UBR4: variants seen among roughly 807,000 people sequenced by gnomAD.
UBR4 encodes the protein ubiquitin protein ligase E3 component n-recognin 4.
A neutral mutation model predicts 575.6 loss-of-function variants in UBR4; 124 were observed. The ratio of observed to expected loss-of-function variants is 0.22; its 90% CI spans 0.19 to 0.25. The LOEUF is 0.25. Among genes scored for constraint, UBR4 ranks in the 10% least tolerant of loss-of-function variants. The pLI, the probability that UBR4 is intolerant of heterozygous loss-of-function variation, is 1.00. For synonymous variants in UBR4, 2,455 were observed against 2,473.7 expected (o/e 0.99, Z 0.22); for missense variants, 4,818 against 6,478.8 (o/e 0.74, Z 8.80).
At chr1:19,074,933 G>C in intron 105 of UBR4, 37 bp from the exon 106 acceptor site, 1 of 1,608,766 alleles carries the variant, frequency 6.2e-7, no homozygotes. Context: ...GTCAGGAGCA[G>C]GCATACAGCC....
chr1:19,190,840 T>G (rs891337482), intron 11 of UBR4, among the ~76,000 whole-genome samples: 5 of 152,228 alleles, frequency 3.3e-5, no homozygotes, highest in African/African-American at 1.2e-4. Context: ...TCCCTCCTTC[T>G]TATCTTATGC....
At chr1:19,077,589 C>G (rs1016508288) in intron 104 of UBR4, among the ~76,000 whole-genome samples, 1 of 152,118 alleles carries the variant, frequency 6.6e-6, no homozygotes, top group Admixed American at 6.5e-5. Context: ...CAAAATTAGC[C>G]GGGCGTGGTG....
Position 19,192,065 on chromosome 1 carries a change from C to T in UBR4, c.1394+123G>A, listed in dbSNP as rs1484172486. On this transcript the variant is annotated intron_variant, in intron 11 of 105. Transcript: ENST00000375254. ...CAGGTCATGATCATTATCTTAGTTGCTAAATTCAAGCCAGGTAGGAAGGCA... is the reference window on the plus strand; with the variant it reads ...CAGGTCATGATCATTATCTTAGTTGTTAAATTCAAGCCAGGTAGGAAGGCA... 6.8e-6 allele frequency: 7 copies of T among 1,023,404 alleles called. No individual in the cohort carries two copies. The African/African-American group carries it at 9.7e-5, about 14-fold the overall frequency. 63.4% of individuals were successfully genotyped at this position (1,023,404 alleles called of 1,614,324 possible).
rs371200114 is a variant in UBR4 at position 19,106,658 on chromosome 1, C to G, written c.12304G>C (p.Val4102Leu). Residue 4102 changes from valine (V) to leucine (L), a missense_variant, in exon 83 of 106, where the codon GTG becomes CTG. Coordinates refer to ENST00000375254, the MANE Select transcript of UBR4 (RefSeq NM_020765.3). Reference protein sequence around the residue: ...LRHLYLTEKYVWRWKQFLSRR... With the variant: ...LRHLYLTEKYLWRWKQFLSRR... ...CTCAGGAACTGTTTCCACCTCCACACATACTTCTCAGTCAAATAGAGATGG... is the reference window on the plus strand; with the variant it reads ...CTCAGGAACTGTTTCCACCTCCACAGATACTTCTCAGTCAAATAGAGATGG... 8.1e-5 allele frequency: 130 copies of G among 1,610,254 alleles called. No homozygotes were observed. The highest frequency in any genetic ancestry group is 1.0e-4 in the Non-Finnish European group (119 of 1,178,242).
At chr1:19,112,439 ATT>A in intron 78 of UBR4, 83 bp downstream of exon 78, 5 of 1,454,594 alleles carry the variant, frequency 3.4e-6, no homozygotes, top group Non-Finnish European at 4.7e-6. Context: ...CAGAAGCACT[ATT>A]CTGTGCACTC....
At chr1:19,196,380 G>A (rs2092457379) in intron 8 of UBR4, among the ~76,000 whole-genome samples, 3 of 152,246 alleles carry the variant, frequency 2.0e-5, no homozygotes, top group Middle Eastern at 3.4e-3. Flanking sequence ...TGTCCCCAAG[G>A]TCAGGTCTCC....
chr1:19,200,499 G>C (rs960082943), intron 2 of UBR4, among the ~76,000 whole-genome samples: 4 of 151,692 alleles, frequency 2.6e-5, no homozygotes, highest in African/African-American at 9.7e-5. Context: ...GAGGTGGGTG[G>C]ATCACTTCGG....
At chr1:19,168,538 T>A (rs952953495) in intron 27 of UBR4, among the ~76,000 whole-genome samples, 3 of 152,168 alleles carry the variant, frequency 2.0e-5, no homozygotes, top group Non-Finnish European at 2.9e-5. Context: ...AAGTTCTGGG[T>A]GGTGTAAACA....
chr1:19,119,808 G>A, intron 69 of UBR4, 107 bp from the exon 70 acceptor site: 2 of 1,407,614 alleles, frequency 1.4e-6, no homozygotes, highest in Non-Finnish European at 1.9e-6. Flanking sequence ...TATGGGTTAA[G>A]TTTGAACGGT....
Position 19,198,431 on chromosome 1 carries a change from CAT to C in UBR4, c.648+108_648+109del, listed in dbSNP as rs2092582214. The C allele has an allele frequency of 5.7e-6, 8 of 1,399,710 alleles. No homozygotes were observed. In the South Asian group the frequency reaches 1.1e-4, roughly 20 times the overall value. 86.7% of individuals were successfully genotyped at this position (1,399,710 alleles called of 1,614,324 possible). A position where few individuals can be genotyped will look rare whatever the true frequency, so the allele number is the denominator to read the frequency against. On this transcript the variant is annotated intron_variant, in intron 5 of 105. Coordinates refer to ENST00000375254, the MANE Select transcript of UBR4 (RefSeq NM_020765.3). ...TCCTCAATTTCTTTTGTCCCACAGA[CAT>C]GTATATCATTTTATATCACAAACAT...
At chr1:19,186,030 C>T (rs1364480895) in intron 14 of UBR4, among the ~76,000 whole-genome samples, 2 of 152,188 alleles carry the variant, frequency 1.3e-5, no homozygotes, top group Non-Finnish European at 2.9e-5. Context: ...ACATTGTTCC[C>T]ACAAACCTGA....
At chr1:19,135,373 C>T (rs2083082525) in intron 60 of UBR4, among the ~76,000 whole-genome samples, 1 of 152,186 alleles carries the variant, frequency 6.6e-6, no homozygotes, top group Admixed American at 6.5e-5. Flanking sequence ...TTCTTCAATA[C>T]TGCCTTGGCT....
At position 19,199,730 on chromosome 1, in the gene UBR4, A is replaced by G; in HGVS notation, c.299T>C (p.Val100Ala). 1 of 1,614,196 alleles carries G rather than the reference A, an allele frequency of 6.2e-7. No individual in the cohort carries two copies. The highest frequency in any genetic ancestry group is 1.3e-5 in the African/African-American group (1 of 75,056). ...SLIPRNQLQSVAAACKVLIEF... is the reference protein window; with the variant it reads ...SLIPRNQLQSAAAACKVLIEF... ...AATTAGAACTTTACAGGCTGCTGCC[A>G]CTGACTGAAGTTGGTTCCGGGGAAC... Residue 100 changes from valine to alanine, a missense_variant, in exon 3 of 106, where the codon GTG (valine) becomes GCG (alanine). By Grantham distance (64) the Val-to-Ala change is moderately conservative. Coordinates refer to ENST00000375254, the MANE Select transcript of UBR4 (RefSeq NM_020765.3).
rs558566650 is a variant in UBR4 at position 19,139,329 on chromosome 1, C to T, written c.8594-109G>A. ...GATGAAAGCATCAAACCACATAGTG[C>T]ATAGGACACAATGCAGTTTATATAT... is the stretch of plus-strand genomic sequence containing the variant. On this transcript the variant is annotated intron_variant, in intron 58 of 105. Coordinates refer to ENST00000375254, the MANE Select transcript of UBR4 (RefSeq NM_020765.3). The surrounding 1 kb of genome is among the most constrained non-coding windows in gnomAD (Gnocchi z 4.2). 2.9e-6 allele frequency: 4 copies of T among 1,371,282 alleles called. No individual in the cohort carries two copies. The South Asian group carries it at 6.9e-5, about 24-fold the overall frequency. The allele number at this position is 1,371,282 out of a possible 1,614,324, so 84.9% of individuals were successfully genotyped here. A position where few individuals can be genotyped will look rare whatever the true frequency, so the allele number is the denominator to read the frequency against.
At chr1:19,111,173 T>C (rs1051950561) in intron 78 of UBR4, among the ~76,000 whole-genome samples, 2 of 152,228 alleles carry the variant, frequency 1.3e-5, no homozygotes, top group African/African-American at 4.8e-5. Flanking sequence ...GTCACAACTC[T>C]TTCCCTGTCT....
intron 78 of UBR4, chr1:19,111,848 G>T (rs1178842979): frequency 6.6e-6 from 1 of 151,784 alleles, no homozygotes; most frequent in African/African-American, 2.4e-5. Flanking sequence ...TTGAACTCCC[G>T]ACCTCAGGTG....
chr1:19,132,839 G>A (rs1309042948), intron 60 of UBR4, among the ~76,000 whole-genome samples: 1 of 151,812 alleles, frequency 6.6e-6, no homozygotes, highest in African/African-American at 2.4e-5. Flanking sequence ...ATATGAACAG[G>A]CTCACGCCAG....
At position 19,093,896 on chromosome 1, in the gene UBR4, T is replaced by C; in HGVS notation, c.13937+53A>G. ...TTCTTCCTCATCTCACAGACCTAGT[T>C]CGGCGTTTTAGTGGAGACTCTCATT... On this transcript the variant is annotated intron_variant, in intron 95 of 105. Transcript: ENST00000375254. The surrounding 1 kb of genome is among the most constrained non-coding windows in gnomAD (Gnocchi z 4.8). 6.4e-7 allele frequency: 1 copy of C among 1,562,772 alleles called. No individual in the cohort carries two copies. Among genetic ancestry groups the C allele is most frequent in the Non-Finnish European group, 8.7e-7 (1 of 1,148,794 alleles).
chr1:19,197,948 A>G lies in UBR4; in HGVS notation c.750T>C (p.Leu250=). 1 of 1,614,116 alleles carries G rather than the reference A, an allele frequency of 6.2e-7. No individual in the cohort carries two copies. The highest frequency in any genetic ancestry group is 8.5e-7 in the Non-Finnish European group (1 of 1,180,006). The change falls in exon 6 of 106, where the codon CTT becomes CTC. Residue 250 remains leucine (L), a splice_region_variant and synonymous_variant. Transcript: ENST00000375254. ...IAQNVASLQE[L]GGSEKLLRVC... Reference sequence around the variant, plus strand: ...TCTGATAACAGTTGGGAGTCTTACCAAGCTCTTGAAGACTAGCCACGTTCT... The same window carrying G: ...TCTGATAACAGTTGGGAGTCTTACCGAGCTCTTGAAGACTAGCCACGTTCT...
Sources: gnomAD v4.1 joint callset for allele counts (sites outside exome capture counted in the v4.1 genomes callset) on GRCh38, gnomAD v4.1.1 for gene constraint, Gnocchi (gnomAD v3.1) non-coding constraint, MANE v1.5 for transcripts, NCBI Gene and HGNC (gene_info 2026-07-23, HGNC 2026-07-21) for gene names.